The following GRID1 variants were observed in gnomAD, a reference collection of about 807,000 sequenced individuals.
GRID1 encodes glutamate receptor ionotropic, delta-1.
In GRID1, 28 loss-of-function variants were observed where a neutral mutation model predicts 98.0. The ratio of observed to expected loss-of-function variants is 0.29; its 90% CI spans 0.21 to 0.39. The LOEUF (loss-of-function observed/expected upper bound fraction) is 0.39. Ranked by LOEUF, GRID1 falls within the 10% of genes least tolerant of loss-of-function variation. GRID1 has a pLI of 1.00. For missense variants in GRID1, 1,111 were observed against 1,340.5 expected (o/e 0.83, Z 2.67); for synonymous variants, 553 against 538.5 (o/e 1.03, Z -0.37).
At chr10:85,621,628 G>C (rs1330102480) in intron 13 of GRID1, among the ~76,000 whole-genome samples, 2 of 152,082 alleles carry the variant, frequency 1.3e-5, no homozygotes, top group Non-Finnish European at 2.9e-5. Flanking sequence ...ACACACCTGT[G>C]CCACTCATTG....
intron 4 of GRID1, among the ~76,000 whole-genome samples, chr10:86,054,658 T>C (rs1843548728): frequency 2.0e-5 from 3 of 152,178 alleles, no homozygotes; most frequent in Admixed American, 6.5e-5. Context: ...AGTGTAATAA[T>C]AACATAATAG....
chr10:85,822,277 C>CA (rs1842779863), intron 8 of GRID1, among the ~76,000 whole-genome samples: 1 of 152,034 alleles, frequency 6.6e-6, no homozygotes, highest in Admixed American at 6.6e-5. Flanking sequence ...AAAATTTTTG[C>CA]AATCTACTCA....
At chr10:85,839,363 A>C (rs1578945) in intron 8 of GRID1, among the ~76,000 whole-genome samples, 33,177 of 152,140 alleles carry the variant, frequency 0.22, 3,753 homozygotes, top group African/African-American at 0.26. Flanking sequence ...CATGGCACAT[A>C]TTTTACAATT....
At chr10:86,178,346 A>C (rs1845607107) in intron 3 of GRID1, among the ~76,000 whole-genome samples, 1 of 152,160 alleles carries the variant, frequency 6.6e-6, no homozygotes, top group African/African-American at 2.4e-5. Context: ...ATTTGCACAC[A>C]AAAGCGGGAG....
chr10:85,820,444 G>A (rs907169033), intron 8 of GRID1, among the ~76,000 whole-genome samples: 3 of 152,132 alleles, frequency 2.0e-5, no homozygotes, highest in South Asian at 2.1e-4. Flanking sequence ...CTATTGGGAC[G>A]CTAAGGATGT....
chr10:85,751,658 T>C (rs1842046792), intron 8 of GRID1, among the ~76,000 whole-genome samples: 1 of 152,098 alleles, frequency 6.6e-6, no homozygotes, highest in Admixed American at 6.5e-5. Flanking sequence ...AAGAAAAACA[T>C]ATATTCTTAT....
At chr10:86,322,117 T>A (rs1337963756) in intron 2 of GRID1, among the ~76,000 whole-genome samples, 1 of 152,002 alleles carries the variant, frequency 6.6e-6, no homozygotes. Context: ...CATTTCATCA[T>A]TAAAGTTTAA....
At position 86,045,786 on chromosome 10, in the gene GRID1, G is replaced by A. The variant is rs150712867; in HGVS notation, c.726+93033C>T. On this transcript the variant is annotated intron_variant, in intron 4 of 15. Transcript: ENST00000327946. ...ATGACTGGTCATTGGTGTGAAGGCCGTTGTTATGGTTGGAAACAGAGGAGG... is the reference window on the plus strand; with the variant it reads ...ATGACTGGTCATTGGTGTGAAGGCCATTGTTATGGTTGGAAACAGAGGAGG... Among the ~76,000 whole-genome samples, 1,206 of 152,318 alleles carry A rather than the reference G, an allele frequency of 7.9e-3. 21 individuals carry two copies. The highest frequency in any genetic ancestry group is 0.028 in the African/African-American group (1,166 of 41,566).
intron 12 of GRID1, among the ~76,000 whole-genome samples, chr10:85,670,283 C>T (rs554026598): frequency 9.8e-4 from 149 of 152,102 alleles, no homozygotes; most frequent in African/African-American, 3.4e-3. Flanking sequence ...GTTGTGTAGA[C>T]GATTCAAAGA....
Position 86,131,880 on chromosome 10 carries a change from C to T in GRID1, c.726+6939G>A, listed in dbSNP as rs1190532147. On this transcript the variant is annotated intron_variant, in intron 4 of 15. Coordinates refer to ENST00000327946, the MANE Select transcript of GRID1 (RefSeq NM_017551.3). ...GAAGTCGGTGCTCCTGGGGTCCCAC[C>T]CTCCATCTGTTTACCAACCATAATG... Among the ~76,000 whole-genome samples, 14 of 152,090 alleles carry T rather than the reference C, an allele frequency of 9.2e-5. No homozygotes were observed. In the East Asian group the frequency reaches 2.5e-3, roughly 27 times the overall value.
intron 15 of GRID1, chr10:85,606,428 C>T (rs1446190371): frequency 6.6e-6 from 1 of 152,186 alleles, no homozygotes; most frequent in African/African-American, 2.4e-5. Flanking sequence ...AGGACAAACC[C>T]TAGGAGATGA....
At chr10:86,127,783 G>A (rs1844775230) in intron 4 of GRID1, among the ~76,000 whole-genome samples, 1 of 152,158 alleles carries the variant, frequency 6.6e-6, no homozygotes, top group Admixed American at 6.5e-5. Context: ...CCTTCTGCCA[G>A]GCTGGCCACA....
intron 4 of GRID1, among the ~76,000 whole-genome samples, chr10:86,012,931 C>A (rs922831229): frequency 1.3e-5 from 2 of 152,170 alleles, no homozygotes; most frequent in East Asian, 3.8e-4. Context: ...CACTATTTAT[C>A]AGGATAACCC....
At chr10:85,813,458 C>T (rs561988358) in intron 8 of GRID1, among the ~76,000 whole-genome samples, 3 of 139,656 alleles carry the variant, frequency 2.1e-5, no homozygotes, top group East Asian at 2.0e-4. Flanking sequence ...AAATGTGAAA[C>T]GCTGAAAAAA....
intron 4 of GRID1, among the ~76,000 whole-genome samples, chr10:86,033,346 TC>T (rs150737535): frequency 0.099 from 15,005 of 152,138 alleles, 850 homozygotes; most frequent in East Asian, 0.19. Flanking sequence ...GGTACGCTCC[TC>T]AGAGGGAGAG....
chr10:85,669,110 G>C (rs1841056151), intron 12 of GRID1, among the ~76,000 whole-genome samples: 1 of 152,194 alleles, frequency 6.6e-6, no homozygotes, highest in Non-Finnish European at 1.5e-5. Flanking sequence ...GTAAGCATGT[G>C]GCCCAAACCA....
intron 3 of GRID1, among the ~76,000 whole-genome samples, chr10:86,148,939 A>G (rs1009780554): frequency 6.6e-6 from 1 of 151,996 alleles, no homozygotes; most frequent in Non-Finnish European, 1.5e-5. Flanking sequence ...AGCCAACCCC[A>G]CCTTCCTCCT....
At chr10:86,251,116 T>A (rs770669560) in intron 2 of GRID1, among the ~76,000 whole-genome samples, 6 of 152,208 alleles carry the variant, frequency 3.9e-5, no homozygotes, top group Admixed American at 1.3e-4. Context: ...GTGCAAGTTG[T>A]GCTTTGTTAA....
intron 8 of GRID1, among the ~76,000 whole-genome samples, chr10:85,845,526 T>A (rs1842997436): frequency 6.6e-6 from 1 of 151,948 alleles, no homozygotes; most frequent in African/African-American, 2.4e-5. Context: ...AATCCCAAAT[T>A]TTTTTGTGGA....
Sources: gnomAD v4.1 joint callset for allele counts (sites outside exome capture counted in the v4.1 genomes callset) on GRCh38, gnomAD v4.1.1 for gene constraint, MANE v1.5 for transcripts, NCBI Gene and HGNC (gene_info 2026-07-23, HGNC 2026-07-21) for gene names.